Variants in GALNT2 observed in about 807,000 individuals in gnomAD.
The protein encoded by GALNT2 is polypeptide N-acetylgalactosaminyltransferase 2, also known as UDP-GalNAc:polypeptide N-acetylgalactosaminyltransferase 2.
In GALNT2, 31 loss-of-function variants were observed where a neutral mutation model predicts 81.4. The observed-to-expected ratio is 0.38, with a 90% confidence interval of 0.29 to 0.51. The LOEUF (loss-of-function observed/expected upper bound fraction) is 0.51. Among genes scored for constraint, GALNT2 ranks in the 20% least tolerant of loss-of-function variants. The probability of loss-of-function intolerance (pLI) is 0.87; values close to 1 mark genes in which losing one functional copy is unlikely to be tolerated. For missense variants in GALNT2, 629 were observed against 765.7 expected, an observed-to-expected ratio of 0.82 and a Z score of 2.11; for synonymous variants, 303 against 287.4, an observed-to-expected ratio of 1.05 and a Z score of -0.55.
chr1:230,197,930 C>T (rs1041950973), intron 2 of GALNT2, among the ~76,000 whole-genome samples: 9 of 152,120 alleles, frequency 5.9e-5, no homozygotes, highest in Non-Finnish European at 1.0e-4. Flanking sequence ...CAGGCAGGCT[C>T]GGGAGGGCTG....
chr1:230,098,400 G>A (rs1329879750), intron 1 of GALNT2, among the ~76,000 whole-genome samples: 1 of 152,004 alleles, frequency 6.6e-6, no homozygotes, highest in African/African-American at 2.4e-5. Flanking sequence ...TTTCCAGAAT[G>A]TACATATTGA....
intron 1 of GALNT2, among the ~76,000 whole-genome samples, chr1:230,071,356 A>G (rs12569330): frequency 6.6e-6 from 1 of 152,172 alleles, no homozygotes; most frequent in Non-Finnish European, 1.5e-5. Flanking sequence ...TGGTGTCAGA[A>G]TGGGGATCCC....
rs61823270 is a variant in GALNT2 at position 230,157,638 on chromosome 1, G to C, written c.127-20580G>C. Reference sequence around the variant, plus strand: ...CGTACATGGTGGAATGCAGCATGTGGCGGGATACCTCCTGCAGTGGAAAGG... The same window carrying C: ...CGTACATGGTGGAATGCAGCATGTGCCGGGATACCTCCTGCAGTGGAAAGG... On this transcript the variant is annotated intron_variant, in intron 1 of 15. Coordinates refer to ENST00000366672, the MANE Select transcript of GALNT2 (RefSeq NM_004481.5). 3.7e-3 allele frequency among the ~76,000 whole-genome samples: 559 copies of C among 152,346 alleles called. 1 individual carries two copies. The highest frequency in any genetic ancestry group is 0.014 in the Middle Eastern group (4 of 294).
At chr1:230,089,739 G>A (rs1660005942) in intron 1 of GALNT2, among the ~76,000 whole-genome samples, 1 of 152,140 alleles carries the variant, frequency 6.6e-6, no homozygotes, top group African/African-American at 2.4e-5. Context: ...CATGTGACAG[G>A]ATTTCCTTTC....
At chr1:230,205,428 A>G (rs902744573) in intron 3 of GALNT2, among the ~76,000 whole-genome samples, 1 of 152,182 alleles carries the variant, frequency 6.6e-6, no homozygotes, top group African/African-American at 2.4e-5. Flanking sequence ...CATATCTTAT[A>G]TAATAGTAAG....
In GALNT2 at chr1:230,280,364, C is replaced by T. The variant is rs72647713; in HGVS notation, c.*906C>T. ...GTCAGAATCCACCTTGCGTGCTGTG[C>T]GTATCTGTGAACCTGGAGCGGTTAC... On this transcript the variant is annotated 3_prime_UTR_variant, in exon 16 of 16. Coordinates refer to ENST00000366672, the MANE Select transcript of GALNT2 (RefSeq NM_004481.5). 2,291 of 222,534 alleles carry T rather than the reference C, an allele frequency of 0.01. 14 individuals carry two copies. Among genetic ancestry groups the T allele is most frequent in the Middle Eastern group, 0.025 (14 of 558 alleles). 13.8% of individuals were successfully genotyped at this position (222,534 alleles called of 1,614,324 possible).
intron 3 of GALNT2, among the ~76,000 whole-genome samples, chr1:230,234,555 C>T (rs956059331): frequency 6.6e-6 from 1 of 152,190 alleles, no homozygotes; most frequent in Non-Finnish European, 1.5e-5. Flanking sequence ...GCCTCACAGG[C>T]AAGACTGTTC....
intron 1 of GALNT2, among the ~76,000 whole-genome samples, chr1:230,096,710 T>C (rs372647414): frequency 6.6e-6 from 1 of 152,232 alleles, no homozygotes; most frequent in Non-Finnish European, 1.5e-5. Context: ...CTTAATATTC[T>C]TTTATGTATC....
At chr1:230,081,076 C>T (rs1659710817) in intron 1 of GALNT2, among the ~76,000 whole-genome samples, 1 of 152,182 alleles carries the variant, frequency 6.6e-6, no homozygotes, top group Admixed American at 6.5e-5. Flanking sequence ...ACCTACTTTC[C>T]TCGAAAGCGC....
chr1:230,137,380 C>T (rs1661583192), intron 1 of GALNT2, among the ~76,000 whole-genome samples: 1 of 152,192 alleles, frequency 6.6e-6, no homozygotes, highest in South Asian at 2.1e-4. Context: ...TCCTTGGTGG[C>T]TGGGAGGGTC....
intron 11 of GALNT2, among the ~76,000 whole-genome samples, chr1:230,260,394 T>A (rs1367951354): frequency 1.3e-5 from 2 of 152,184 alleles, no homozygotes; most frequent in Non-Finnish European, 2.9e-5. Context: ...GATCATTCCT[T>A]GGGGCTGCCT....
intron 1 of GALNT2, among the ~76,000 whole-genome samples, chr1:230,167,967 C>CG (rs1165012093): frequency 6.6e-6 from 1 of 152,104 alleles, no homozygotes; most frequent in Admixed American, 6.5e-5. Flanking sequence ...AAATACCCCC[C>CG]CCTTTTTTTT....
At chr1:230,162,840 G>T (rs1662476839) in intron 1 of GALNT2, among the ~76,000 whole-genome samples, 1 of 152,196 alleles carries the variant, frequency 6.6e-6, no homozygotes, top group Non-Finnish European at 1.5e-5. Context: ...CACTCGGTCT[G>T]TTGGCATTGG....
intron 1 of GALNT2, among the ~76,000 whole-genome samples, chr1:230,150,215 A>G (rs1205101151): frequency 1.3e-5 from 2 of 152,124 alleles, no homozygotes; most frequent in Non-Finnish European, 2.9e-5. Context: ...GGTGACTGCA[A>G]AGCTGCCTAC....
At chr1:230,169,648 T>C (rs1330950623) in intron 1 of GALNT2, among the ~76,000 whole-genome samples, 1 of 152,222 alleles carries the variant, frequency 6.6e-6, no homozygotes, top group African/African-American at 2.4e-5. Flanking sequence ...AATTAATAAT[T>C]ATGCGATTGT....
intron 2 of GALNT2, among the ~76,000 whole-genome samples, chr1:230,192,579 A>C (rs1663563380): frequency 6.6e-6 from 1 of 152,246 alleles, no homozygotes; most frequent in Non-Finnish European, 1.5e-5. Flanking sequence ...CGAAAAATGA[A>C]GAATTTTCAT....
At chr1:230,173,691 G>T (rs867038024) in intron 1 of GALNT2, among the ~76,000 whole-genome samples, 4 of 152,226 alleles carry the variant, frequency 2.6e-5, no homozygotes, top group Admixed American at 2.0e-4. Flanking sequence ...ACACAGATCT[G>T]TTGGTAGCAC....
intron 3 of GALNT2, among the ~76,000 whole-genome samples, chr1:230,207,666 G>T (rs1664104255): frequency 6.6e-6 from 1 of 151,950 alleles, no homozygotes; most frequent in African/African-American, 2.4e-5. Context: ...TTGGCTCACT[G>T]TAGCCTTTCC....
rs561958218 is a variant in GALNT2, at chr1:230,170,688, G to A, written c.127-7530G>A. Among the ~76,000 whole-genome samples the A allele has an allele frequency of 1.1e-4, 17 of 152,316 alleles. No individual in the cohort carries two copies. The East Asian group carries it at 2.7e-3, about 24-fold the overall frequency. On this transcript the variant is annotated intron_variant, in intron 1 of 15. Transcript: ENST00000366672. ...AACATGGCAACAGAATCTGCTTCTG[G>A]TGAGGACTTCAGGAAACTTTTCATC...
Sources: allele counts gnomAD v4.1 joint callset (sites outside exome capture counted in the v4.1 genomes callset), GRCh38; gene constraint gnomAD v4.1.1; transcripts MANE v1.5; gene names NCBI Gene and HGNC (gene_info 2026-07-23, HGNC 2026-07-21).